Variants in CCDC22 observed in about 807,000 individuals in gnomAD.
CCDC22 encodes coiled-coil domain-containing protein 22.
Under a neutral mutation model 53.1 loss-of-function variants are expected in CCDC22, and 4 were observed. That is an observed-to-expected ratio of 0.08 (90% CI 0.04 to 0.17). CCDC22 has a LOEUF of 0.17. Among genes scored for constraint, CCDC22 ranks in the 10% least tolerant of loss-of-function variants. CCDC22 has a pLI of 1.00. For missense variants in CCDC22, 458 were observed against 554.0 expected (o/e 0.83, Z 1.74); for synonymous variants, 222 against 224.4 (o/e 0.99, Z 0.10).
rs1557113449 is a variant in CCDC22, at chrX:49,242,154, G to A, written c.361+6G>A. The stretch of plus-strand genomic sequence containing the variant: ...GGATGCAGACCAGCCTGCAGGTACT[G>A]GGTGTCTGGGGTGTGGGCGGGGGCG... On this transcript the variant is annotated splice_donor_region_variant and intron_variant, in intron 3 of 16. Transcript: ENST00000376227. 15 of 1,210,878 alleles carry A rather than the reference G, an allele frequency of 1.2e-5. No homozygotes were observed. Among genetic ancestry groups the A allele is most frequent in the Non-Finnish European group, 1.6e-5 (14 of 895,097 alleles).
intron 2 of CCDC22, among the ~76,000 whole-genome samples, chrX:49,237,466 T>C (rs148584293): frequency 2.6e-4 from 29 of 112,368 alleles, no homozygotes; most frequent in Admixed American, 8.5e-4. Flanking sequence ...CTGAGTAGTT[T>C]AGATCCTAGC....
chrX:49,247,704 G>A lies in CCDC22; in HGVS notation c.1028G>A (p.Gly343Glu), dbSNP rs782817629. ...ELESLREQLE[G>E]VNRSIEEVEA... is the part of the protein sequence containing the mutation. ...GAGTCCCTTCGGGAGCAGCTGGAAG[G>A]AGTGAACCGCAGCATTGAGGAGGTT... Residue 343 changes from glycine to glutamate, a missense_variant, in exon 9 of 17, where the codon GGA (glycine) becomes GAA (glutamate). Coordinates refer to ENST00000376227, the MANE Select transcript of CCDC22 (RefSeq NM_014008.5). 6.6e-6 allele frequency: 8 copies of A among 1,208,531 alleles called. No homozygotes were observed. In the East Asian group the frequency reaches 1.2e-4, roughly 18 times the overall value.
chrX:49,245,982 T>G (rs2065987674), intron 6 of CCDC22, among the ~76,000 whole-genome samples: 1 of 107,949 alleles, frequency 9.3e-6, no homozygotes, highest in African/African-American at 3.3e-5. Context: ...GTTTTTTTTT[T>G]GTTTTTTTTT....
chrX:49,248,371 G>A, intron 10 of CCDC22, 36 bp from the exon 11 acceptor site: 1 of 1,201,827 alleles, frequency 8.3e-7, no homozygotes, highest in South Asian at 1.8e-5. Context: ...GGGTTGGAGG[G>A]CCCAGCCTGT....
chrX:49,249,383 C>A, intron 14 of CCDC22, 121 bp downstream of exon 14: 3 of 883,315 alleles, frequency 3.4e-6, no homozygotes, highest in Admixed American at 2.3e-5. Context: ...TGCACTGATA[C>A]CCAGGGCTGG....
chrX:49,236,203 C>T (rs868946357), intron 1 of CCDC22, among the ~76,000 whole-genome samples: 2 of 96,766 alleles, frequency 2.1e-5, no homozygotes, highest in South Asian at 5.0e-4. Flanking sequence ...ACCCAGGATT[C>T]TTTTTTTTTT....
At chrX:49,247,117 T>C (rs2065994604) in intron 7 of CCDC22, 192 bp downstream of exon 7, 2 of 454,124 alleles carry the variant, frequency 4.4e-6, no homozygotes, top group Admixed American at 3.6e-5. Flanking sequence ...AAAATGTGGA[T>C]AGGTGGGAAC....
chrX:49,243,033 C>T, intron 4 of CCDC22, 41 bp downstream of exon 4: 3 of 1,137,646 alleles, frequency 2.6e-6, no homozygotes, highest in African/African-American at 3.6e-5. Context: ...TTGTCCCCGT[C>T]TGGGTGCCCA....
intron 3 of CCDC22, chrX:49,242,431 T>C (rs1367763883): frequency 2.1e-6 from 1 of 484,631 alleles, no homozygotes; most frequent in Non-Finnish European, 2.5e-6. Flanking sequence ...CTCTAACCAC[T>C]TGGGCCTCCT....
chrX:49,235,861 A>ACACACACACACACG lies in CCDC22; in HGVS notation c.50+178_50+179insACACACACACGCAC, dbSNP rs1317193784. 2.0e-3 allele frequency among the ~76,000 whole-genome samples: 216 copies of ACACACACACACACG among 105,777 alleles called. 2 individuals are homozygous for ACACACACACACACG. The highest frequency in any genetic ancestry group is 6.3e-3 in the African/African-American group (179 of 28,441). 91.9% of individuals were successfully genotyped at this position (105,777 alleles called of 115,157 possible). A position where few individuals can be genotyped will look rare whatever the true frequency, so the allele number is the denominator to read the frequency against. Reference sequence around the variant, plus strand: ...CACACACACACACACACACACACACACACGCACACACACACCGCCCTCCCT... The same window carrying ACACACACACACACG: ...CACACACACACACACACACACACACACACACACACACACGCACGCACACACACACCGCCCTCCCT... On this transcript the variant is annotated intron_variant, in intron 1 of 16. Coordinates refer to ENST00000376227, the MANE Select transcript of CCDC22 (RefSeq NM_014008.5).
intron 6 of CCDC22, among the ~76,000 whole-genome samples, chrX:49,245,967 GTTT>G (rs1569529301): frequency 3.0e-5 from 2 of 65,713 alleles, no homozygotes; most frequent in Non-Finnish European, 8.5e-5. Flanking sequence ...GTTTTGTTTT[GTTT>G]TGTTTTTTTT....
rs1035529637 is a variant in CCDC22 at position 49,249,700 on chromosome X, G to A, written c.1745G>A (p.Arg582Gln). 3 of 1,209,892 alleles carry A rather than the reference G, an allele frequency of 2.5e-6. No homozygotes were observed. The highest frequency in any genetic ancestry group is 3.4e-6 in the Non-Finnish European group (3 of 894,927). The change falls in exon 16 of 17, where the codon CGG (arginine) becomes CAG (glutamine). Residue 582 changes from arginine to glutamine, a missense_variant. Coordinates refer to ENST00000376227, the MANE Select transcript of CCDC22 (RefSeq NM_014008.5). The stretch of plus-strand genomic sequence containing the variant: ...ATCGAGGACACAGGCACCATCATGC[G>A]GGAGGTTCGAGACCTCGAGGAGCAG... ...QTIEDTGTIM[R>Q]EVRDLEEQIE...
chrX:49,249,464 C>A, intron 14 of CCDC22, 45 bp from the exon 15 acceptor site: 1 of 1,159,511 alleles, frequency 8.6e-7, no homozygotes, highest in Non-Finnish European at 1.2e-6. Flanking sequence ...TGGAGATGGT[C>A]AAGGGCAGCC....
intron 2 of CCDC22, among the ~76,000 whole-genome samples, chrX:49,238,067 C>G (rs1210934468): frequency 1.1e-5 from 1 of 95,188 alleles, no homozygotes; most frequent in African/African-American, 4.4e-5. Context: ...CTTTTCTTTT[C>G]TTTTTTTCTT....
intron 6 of CCDC22, among the ~76,000 whole-genome samples, chrX:49,245,623 G>A (rs1412404309): frequency 2.7e-5 from 3 of 111,874 alleles, no homozygotes; most frequent in Admixed American, 9.5e-5. Context: ...CATCTGCCTC[G>A]GCCTCCCAAA....
chrX:49,237,277 C>T lies in CCDC22; in HGVS notation c.228+14C>T, dbSNP rs2065942512. The T allele has an allele frequency of 3.4e-6, 4 of 1,181,008 alleles. No individual in the cohort carries two copies. Among genetic ancestry groups the T allele is most frequent in the African/African-American group, 1.8e-5 (1 of 57,121 alleles). On this transcript the variant is annotated intron_variant, in intron 2 of 16. Coordinates refer to ENST00000376227, the MANE Select transcript of CCDC22 (RefSeq NM_014008.5). The stretch of plus-strand genomic sequence containing the variant: ...CAGGCCTGCATGGTGAGTGGCCCTC[C>T]TCCTAATGCACACATCCTCTTTCTT...
chrX:49,248,291 C>T lies in CCDC22; in HGVS notation c.1193C>T (p.Ala398Val). ...GTGGAGCTGCTGCCCGATGGGACTG[C>T]CAACCTTGCCAAGCTGCAGGTGGGG... is the stretch of plus-strand genomic sequence containing the variant. Reference protein sequence around the residue: ...RAVELLPDGTANLAKLQLVVE... With the variant: ...RAVELLPDGTVNLAKLQLVVE... The change falls in exon 10 of 17, where the codon GCC becomes GTC. Residue 398 changes from alanine to valine, a missense_variant. Coordinates refer to ENST00000376227, the MANE Select transcript of CCDC22 (RefSeq NM_014008.5). 8.4e-7 allele frequency: 1 copy of T among 1,195,224 alleles called. No individual in the cohort carries two copies. Among genetic ancestry groups the T allele is most frequent in the South Asian group, 1.8e-5 (1 of 55,917 alleles).
chrX:49,244,485 T>C (rs984581811), intron 6 of CCDC22, among the ~76,000 whole-genome samples: 1 of 110,534 alleles, frequency 9.0e-6, no homozygotes, highest in Non-Finnish European at 1.9e-5. Context: ...TCTGTCCCCT[T>C]ATCTCTCCCT....
intron 3 of CCDC22, among the ~76,000 whole-genome samples, 189 bp from the exon 4 acceptor site, chrX:49,242,697 C>T (rs1284015815): frequency 4.5e-5 from 5 of 111,157 alleles, no homozygotes; most frequent in African/African-American, 1.6e-4. Flanking sequence ...CGAAGTAGCC[C>T]TAGTGTCTAG....
Sources: gnomAD v4.1 joint callset for allele counts (sites outside exome capture counted in the v4.1 genomes callset) on GRCh38, gnomAD v4.1.1 for gene constraint, MANE v1.5 for transcripts, NCBI Gene and HGNC (gene_info 2026-07-23, HGNC 2026-07-21) for gene names.